The following CACNA2D1 variants were observed in gnomAD, a reference collection of about 807,000 sequenced individuals.
CACNA2D1 encodes the protein calcium voltage-gated channel auxiliary subunit alpha2delta 1.
In CACNA2D1, 53 loss-of-function variants were observed where a neutral mutation model predicts 171.5. That is an observed-to-expected ratio of 0.31 (90% CI 0.25 to 0.39). The LOEUF (loss-of-function observed/expected upper bound fraction) is 0.39. Ranked by LOEUF, CACNA2D1 falls within the 10% of genes least tolerant of loss-of-function variation. The pLI is 1.00. For synonymous variants in CACNA2D1, 442 were observed against 443.1 expected, an observed-to-expected ratio of 1.00 and a Z score of 0.03; for missense variants, 903 against 1,299.8, an observed-to-expected ratio of 0.69 and a Z score of 4.69.
At chr7:82,116,717 G>A (rs1267546682) in intron 6 of CACNA2D1, among the ~76,000 whole-genome samples, 2 of 152,184 alleles carry the variant, frequency 1.3e-5, no homozygotes, top group Non-Finnish European at 2.9e-5. Flanking sequence ...CAGCTGCACA[G>A]TTTTGGCTTT....
intron 21 of CACNA2D1, among the ~76,000 whole-genome samples, chr7:81,987,750 C>T (rs767792033): frequency 6.6e-6 from 1 of 151,982 alleles, no homozygotes; most frequent in Non-Finnish European, 1.5e-5. Flanking sequence ...ACTTGGAAAG[C>T]GAATGTGTGA....
chr7:82,232,911 T>C (rs1803129844), intron 3 of CACNA2D1, among the ~76,000 whole-genome samples: 1 of 120,302 alleles, frequency 8.3e-6, no homozygotes, highest in South Asian at 2.9e-4. Context: ...TGAGGTCACA[T>C]AGATTTAAGG....
At chr7:82,237,304 C>G (rs1238263415) in intron 3 of CACNA2D1, among the ~76,000 whole-genome samples, 1 of 151,896 alleles carries the variant, frequency 6.6e-6, no homozygotes, top group Non-Finnish European at 1.5e-5. Flanking sequence ...AATAAAAAGA[C>G]AGTCTAATAA....
chr7:82,343,810 ATAAT>A (rs1370071828), intron 2 of CACNA2D1, among the ~76,000 whole-genome samples: 4 of 152,218 alleles, frequency 2.6e-5, no homozygotes, highest in Non-Finnish European at 5.9e-5. Context: ...AAATTTAAAA[ATAAT>A]TAACCATAGG....
At chr7:81,993,856 A>G (rs892706714) in intron 20 of CACNA2D1, among the ~76,000 whole-genome samples, 9 of 152,110 alleles carry the variant, frequency 5.9e-5, no homozygotes, top group African/African-American at 2.2e-4. Flanking sequence ...AAAAATATCA[A>G]TGGGAGTTAA....
intron 3 of CACNA2D1, among the ~76,000 whole-genome samples, chr7:82,207,233 C>T (rs914932415): frequency 6.6e-6 from 1 of 152,182 alleles, no homozygotes; most frequent in Non-Finnish European, 1.5e-5. Context: ...AGCACATGAT[C>T]GCTCCCAGGT....
At chr7:82,186,738 C>T (rs1388948428) in intron 3 of CACNA2D1, among the ~76,000 whole-genome samples, 1 of 152,018 alleles carries the variant, frequency 6.6e-6, no homozygotes, top group African/African-American at 2.4e-5. Flanking sequence ...GAAAAGCAAT[C>T]TAGTAGCAAT....
intron 1 of CACNA2D1, among the ~76,000 whole-genome samples, chr7:82,399,353 T>C (rs1235188333): frequency 2.0e-5 from 3 of 150,968 alleles, no homozygotes; most frequent in Non-Finnish European, 2.9e-5. Flanking sequence ...GGCAGGAGAA[T>C]CACTTGAACC....
chr7:82,032,560 C>CCATA (rs754052765), intron 12 of CACNA2D1, among the ~76,000 whole-genome samples: 6 of 151,110 alleles, frequency 4.0e-5, no homozygotes, highest in Non-Finnish European at 7.4e-5. Flanking sequence ...AAAATAGGAC[C>CCATA]CATACATATA....
At chr7:82,108,539 T>A (rs1279781151) in intron 6 of CACNA2D1, among the ~76,000 whole-genome samples, 1 of 152,160 alleles carries the variant, frequency 6.6e-6, no homozygotes, top group Admixed American at 6.5e-5. Context: ...CACAATTCAG[T>A]CTAAAGCAAT....
chr7:82,443,499 G>T lies in CACNA2D1; in HGVS notation c.-40C>A, dbSNP rs200428602. 9 of 1,596,656 alleles carry T rather than the reference G, an allele frequency of 5.6e-6. No individual in the cohort carries two copies. Among genetic ancestry groups the T allele is most frequent in the South Asian group, 3.4e-5 (3 of 88,850 alleles). ...ATCAATGCCCCCTCCCTGCCCAAGC[G>T]GGGGAAGGAGCGGCGCTGGAAACCG... On this transcript the variant is annotated 5_prime_UTR_variant, in exon 1 of 39. Transcript: ENST00000356860.
chr7:82,168,747 A>C (rs905643504), intron 4 of CACNA2D1, among the ~76,000 whole-genome samples: 18 of 152,148 alleles, frequency 1.2e-4, no homozygotes, highest in Non-Finnish European at 5.9e-5. Flanking sequence ...CCTACTTGCC[A>C]AGTTATTTTT....
intron 1 of CACNA2D1, among the ~76,000 whole-genome samples, chr7:82,432,037 T>TAAAAAAAAAAAAAAAAAAAAAAAAAAAA (rs34180150): frequency 2.4e-5 from 2 of 82,218 alleles, no homozygotes; most frequent in African/African-American, 1.5e-4. Flanking sequence ...GACTCTGTCT[T>TAAAAAAAAAAAAAAAAAAAAAAAAAAAA]AAAAAAAAAA....
chr7:82,222,345 A>G (rs1801859087), intron 3 of CACNA2D1, among the ~76,000 whole-genome samples: 1 of 152,192 alleles, frequency 6.6e-6, no homozygotes, highest in African/African-American at 2.4e-5. Context: ...AAAGAACTAT[A>G]CAAGACTATA....
chr7:82,020,994 CTG>C (rs1480113076), intron 12 of CACNA2D1: 10 of 152,102 alleles, frequency 6.6e-5, no homozygotes, highest in Admixed American at 6.6e-4. Context: ...TGTGTCTTAC[CTG>C]TGGGTGTATG....
intron 3 of CACNA2D1, among the ~76,000 whole-genome samples, chr7:82,254,672 A>G (rs1806079111): frequency 6.6e-6 from 1 of 152,066 alleles, no homozygotes; most frequent in South Asian, 2.1e-4. Context: ...TAAGCATATC[A>G]TTTTCTGAGT....
intron 12 of CACNA2D1, among the ~76,000 whole-genome samples, chr7:82,015,684 T>A (rs1421234182): frequency 6.6e-6 from 1 of 152,208 alleles, no homozygotes; most frequent in African/African-American, 2.4e-5. Context: ...AAATTCCAGT[T>A]TGAACTATGT....
intron 38 of CACNA2D1, among the ~76,000 whole-genome samples, chr7:81,958,078 A>T (rs1294795952): frequency 1.3e-5 from 2 of 151,872 alleles, no homozygotes; most frequent in African/African-American, 4.8e-5. Flanking sequence ...GAGTCCGCCT[A>T]TCTGGACTTA....
At position 81,989,261 on chromosome 7, in the gene CACNA2D1, G is replaced by A. The variant is rs148274049; in HGVS notation, c.1796+1924C>T. ...CGGTCAGTAAGGTCAAATGATTTAC[G>A]CCACTGATGGCCGTGCCAGACTTCG... On this transcript the variant is annotated intron_variant, in intron 21 of 38. Transcript: ENST00000356860. 1.6e-3 allele frequency among the ~76,000 whole-genome samples: 251 copies of A among 152,284 alleles called. 5 individuals are homozygous for A. In the East Asian group the frequency reaches 0.018, roughly 11 times the overall value.
Sources: allele counts gnomAD v4.1 joint callset (sites outside exome capture counted in the v4.1 genomes callset), GRCh38; gene constraint gnomAD v4.1.1; transcripts MANE v1.5; gene names NCBI Gene and HGNC (gene_info 2026-07-23, HGNC 2026-07-21).